The following CENPP variants were observed in gnomAD, a reference collection of about 807,000 sequenced individuals.
The protein encoded by CENPP is centromere protein P.
In CENPP, 24 loss-of-function variants were observed where a neutral mutation model predicts 35.6. The observed-to-expected ratio is 0.67, with a 90% CI of 0.49 to 0.95. CENPP has a LOEUF of 0.95. CENPP is among the 40% of genes least tolerant of loss of function. The pLI is 0.00. For synonymous variants in CENPP, 120 were observed against 125.5 expected, an observed-to-expected ratio of 0.96 and a Z score of 0.29; for missense variants, 332 against 345.3, an observed-to-expected ratio of 0.96 and a Z score of 0.31.
chr9:92,580,847 T>C (rs1488895314), intron 5 of CENPP, among the ~76,000 whole-genome samples: 2 of 152,216 alleles, frequency 1.3e-5, no homozygotes, highest in African/African-American at 4.8e-5. Context: ...CTGCTAGCTT[T>C]TGAATGTGTT....
At chr9:92,379,034 C>A (rs929326078) in intron 4 of CENPP, among the ~76,000 whole-genome samples, 8 of 152,148 alleles carry the variant, frequency 5.3e-5, no homozygotes, top group Non-Finnish European at 1.0e-4. Flanking sequence ...TTCTGGAGTT[C>A]CCACATATCT....
At chr9:92,522,867 G>T in intron 5 of CENPP, 4 of 1,589,040 alleles carry the variant, frequency 2.5e-6, no homozygotes, top group Non-Finnish European at 3.4e-6. Context: ...CAATCTTCAT[G>T]TTTGATTTTT....
intron 5 of CENPP, among the ~76,000 whole-genome samples, chr9:92,394,109 C>G (rs538075440): frequency 6.6e-6 from 1 of 152,086 alleles, no homozygotes; most frequent in Non-Finnish European, 1.5e-5. Flanking sequence ...GATTCTTACC[C>G]GAATCATTTG....
intron 5 of CENPP, among the ~76,000 whole-genome samples, chr9:92,571,643 TTCTG>T (rs757892311): frequency 7.8e-4 from 119 of 152,284 alleles, no homozygotes; most frequent in Non-Finnish European, 1.3e-3. Context: ...CTTGTTAACT[TTCTG>T]TCTGATTGAT....
intron 5 of CENPP, chr9:92,502,804 CTTTT>C (rs34408968): frequency 0.021 from 6,020 of 292,746 alleles, no homozygotes; most frequent in Middle Eastern, 0.036. Context: ...TTTAAGTTGT[CTTTT>C]TTTTTTTTTT....
At chr9:92,404,368 T>C (rs2130936109) in intron 5 of CENPP, 1 of 479,308 alleles carries the variant, frequency 2.1e-6, no homozygotes, top group South Asian at 2.2e-5. Context: ...CATAAGTACT[T>C]CTTAAAAATT....
intron 5 of CENPP, among the ~76,000 whole-genome samples, chr9:92,518,428 G>A (rs1287169395): frequency 6.6e-6 from 1 of 152,184 alleles, no homozygotes; most frequent in Non-Finnish European, 1.5e-5. Context: ...TGACCAGAGA[G>A]CTGAGCTAGC....
chr9:92,394,277 C>T (rs1842801152), intron 5 of CENPP, among the ~76,000 whole-genome samples: 1 of 151,942 alleles, frequency 6.6e-6, no homozygotes, highest in African/African-American at 2.4e-5. Context: ...GAGTCTTGCC[C>T]TGTTGCTCAT....
At chr9:92,374,262 T>C (rs183090090) in intron 4 of CENPP, among the ~76,000 whole-genome samples, 10 of 151,646 alleles carry the variant, frequency 6.6e-5, no homozygotes, top group African/African-American at 2.4e-4. Context: ...TGTGTGTGTG[T>C]GTGTGTGTGT....
chr9:92,403,634 G>T (rs1843209946), intron 5 of CENPP: 11 of 1,182,208 alleles, frequency 9.3e-6, no homozygotes, highest in Non-Finnish European at 1.1e-5. Context: ...TGAACATTCT[G>T]AAAAATAGTT....
chr9:92,435,657 G>T (rs1313052308), intron 5 of CENPP, among the ~76,000 whole-genome samples: 1 of 152,152 alleles, frequency 6.6e-6, no homozygotes, highest in Non-Finnish European at 1.5e-5. Context: ...TACAGAAATG[G>T]AATCATACAG....
chr9:92,514,865 C>T, intron 5 of CENPP: 1 of 1,604,576 alleles, frequency 6.2e-7, no homozygotes, highest in Non-Finnish European at 8.5e-7. Flanking sequence ...TCCTCCTCAT[C>T]CTCCTCCTCC....
rs1845737675 is a variant in CENPP, at chr9:92,477,077, A to G, written c.564+97218A>G. ...TACTGGGTGAGAGATTGTGCTGGCA[A>G]CACAGGGTTCAGTGGCTTCTTTTGG... On this transcript the variant is annotated intron_variant, in intron 5 of 7. Transcript: ENST00000375587. Among the ~76,000 whole-genome samples the G allele has an allele frequency of 2.6e-5, 4 of 152,358 alleles. No individual in the cohort carries two copies. The East Asian group carries it at 7.7e-4, about 29-fold the overall frequency.
chr9:92,456,893 T>C (rs1844896564), intron 5 of CENPP: 1 of 968,198 alleles, frequency 1.0e-6, no homozygotes, highest in Non-Finnish European at 1.2e-6. Context: ...ATTCTGTTTT[T>C]CTAACAGCAA....
chr9:92,430,092 C>T lies in CENPP; in HGVS notation c.564+50233C>T, dbSNP rs573210981. Among the ~76,000 whole-genome samples the T allele has an allele frequency of 1.1e-3, 163 of 152,234 alleles. 1 individual carries two copies. The highest frequency in any genetic ancestry group is 3.7e-3 in the African/African-American group (154 of 41,528). The stretch of plus-strand genomic sequence containing the variant: ...AAGTGGCACTCCCAGCTGTTAAATC[C>T]TCCGCATACCATTTATCAGGTTTTA... On this transcript the variant is annotated intron_variant, in intron 5 of 7. Transcript: ENST00000375587.
chr9:92,440,686 TGACCAC>T (rs1844363451), intron 5 of CENPP, among the ~76,000 whole-genome samples: 1 of 152,352 alleles, frequency 6.6e-6, no homozygotes, highest in East Asian at 1.9e-4. Context: ...GCGAAAGTTA[TGACCAC>T]AATTAATGCA....
At chr9:92,344,588 C>T (rs1040726587) in intron 3 of CENPP, among the ~76,000 whole-genome samples, 7 of 151,948 alleles carry the variant, frequency 4.6e-5, no homozygotes, top group Non-Finnish European at 1.0e-4. Context: ...CGCTCTGTTG[C>T]GCAGGCTGTA....
Position 92,487,497 on chromosome 9 carries a change from CAG to C in CENPP, c.564+107641_564+107642del, listed in dbSNP as rs556594749. On this transcript the variant is annotated intron_variant, in intron 5 of 7. Coordinates refer to ENST00000375587, the MANE Select transcript of CENPP (RefSeq NM_001012267.3). ...ACAGAGAAAAGAGGGTTAAAAGGAT[CAG>C]AGTTTTTCCTTACAGAAGAATGTCA... 3.0e-3 allele frequency among the ~76,000 whole-genome samples: 453 copies of C among 152,288 alleles called. 2 individuals are homozygous for C. Among genetic ancestry groups the C allele is most frequent in the African/African-American group, 0.01 (427 of 41,554 alleles).
chr9:92,492,520 A>C (rs1846200585), intron 5 of CENPP, among the ~76,000 whole-genome samples: 1 of 152,140 alleles, frequency 6.6e-6, no homozygotes, highest in Non-Finnish European at 1.5e-5. Context: ...ACTTTGACTT[A>C]ATGAGAATGG....
Sources: gnomAD v4.1 joint callset for allele counts (sites outside exome capture counted in the v4.1 genomes callset) on GRCh38, gnomAD v4.1.1 for gene constraint, MANE v1.5 for transcripts, NCBI Gene and HGNC (gene_info 2026-07-23, HGNC 2026-07-21) for gene names.